POU2AF1: variants seen among roughly 807,000 people sequenced by gnomAD.
POU2AF1 encodes POU domain class 2-associating factor 1.
Under a neutral mutation model 26.3 loss-of-function variants are expected in POU2AF1, and 12 were observed. That is an observed-to-expected ratio of 0.46 (90% CI 0.29 to 0.74). The LOEUF (loss-of-function observed/expected upper bound fraction) is 0.74. Ranked by LOEUF, POU2AF1 falls within the 30% of genes least tolerant of loss-of-function variation. The pLI is 0.09. For missense variants in POU2AF1, 297 were observed against 334.5 expected (o/e 0.89, Z 0.87); for synonymous variants, 175 against 148.0 (o/e 1.18, Z -1.32).
At position 111,354,335 on chromosome 11, in the gene POU2AF1, C is replaced by T. The variant is rs747716250; in HGVS notation, c.697G>A (p.Asp233Asn). 3 of 1,614,068 alleles carry T rather than the reference C, an allele frequency of 1.9e-6. No homozygotes were observed. Among genetic ancestry groups the T allele is most frequent in the African/African-American group, 1.3e-5 (1 of 74,936 alleles). Residue 233 changes from aspartate (D) to asparagine (N), a missense_variant, in exon 5 of 5, where the codon GAC becomes AAC. Transcript: ENST00000393067. Reference protein sequence around the residue: ...PRRAASSLTIDKLLLEEEDSD... With the variant: ...PRRAASSLTINKLLLEEEDSD... ...TCCTCTTCCTCCAAAAGCAGCTTGTCGATGGTCAACGAGCTGGCGGCTCTT... is the reference window on the plus strand; with the variant it reads ...TCCTCTTCCTCCAAAAGCAGCTTGTTGATGGTCAACGAGCTGGCGGCTCTT...
At chr11:111,360,923 A>G (rs1295496646) in intron 1 of POU2AF1, among the ~76,000 whole-genome samples, 2 of 150,812 alleles carry the variant, frequency 1.3e-5, no homozygotes, top group Non-Finnish European at 2.9e-5. Context: ...CAGCCTGGCA[A>G]CAGAGAGAGA....
chr11:111,364,122 CAG>C (rs957193289), intron 1 of POU2AF1: 1 of 437,918 alleles, frequency 2.3e-6, no homozygotes, highest in African/African-American at 2.2e-5. Context: ...AAAAAGTCAG[CAG>C]AGACTATTTC....
intron 1 of POU2AF1, among the ~76,000 whole-genome samples, chr11:111,361,169 T>A (rs943480543): frequency 1.3e-5 from 2 of 150,492 alleles, no homozygotes; most frequent in Non-Finnish European, 3.0e-5. Flanking sequence ...ACAGGACCCA[T>A]GGAGCCCCCG....
intron 2 of POU2AF1, among the ~76,000 whole-genome samples, 186 bp downstream of exon 2, chr11:111,358,596 ATACACT>A (rs1290771755): frequency 1.0e-5 from 1 of 100,280 alleles, no homozygotes; most frequent in Non-Finnish European, 2.6e-5. Flanking sequence ...TCACACACAC[ATACACT>A]CTCACACACT....
intron 1 of POU2AF1, chr11:111,364,199 T>G: frequency 6.2e-6 from 1 of 160,702 alleles, no homozygotes; most frequent in Non-Finnish European, 1.3e-5. Context: ...GCAGCTGCTG[T>G]TCCACTGGAG....
Position 111,354,542 on chromosome 11 carries a change from GGGGCCCCACTGCGGGCGTGGC to G in POU2AF1, c.469_489del (p.Ala157_Pro163del). The G allele has an allele frequency of 6.5e-7, 1 of 1,549,556 alleles. No homozygotes were observed. The highest frequency in any genetic ancestry group is 1.2e-5 in the South Asian group (1 of 80,916). ...GCCTGGTGCTCTGGGCCCTCCAGCG[GGGGCCCCACTGCGGGCGTGGC>G]GGAGCTTCTTGTCTGTGACAGGAAA... On this transcript the variant is annotated inframe_deletion, in exon 5 of 5. Transcript: ENST00000393067.
intron 1 of POU2AF1, among the ~76,000 whole-genome samples, chr11:111,375,419 C>T (rs1346978956): frequency 0.04 from 351 of 8,824 alleles, no homozygotes; most frequent in Middle Eastern, 0.17. Context: ...TTTTTTGAGG[C>T]GGAGTCTCGC....
At chr11:111,374,355 C>T (rs185225533) in intron 1 of POU2AF1, among the ~76,000 whole-genome samples, 26 of 152,276 alleles carry the variant, frequency 1.7e-4, no homozygotes, top group African/African-American at 6.0e-4. Context: ...AGACAGTGCA[C>T]GTGAATTTGT....
rs1251954384 is a variant in POU2AF1, at chr11:111,373,454, G to C, written c.16+5708C>G. ...TCTTAAATCTCCTCAGAGCATTCCA[G>C]TGTGTAGCCAAGGTATAAAAACACT... On this transcript the variant is annotated intron_variant, in intron 1 of 4. Coordinates refer to ENST00000393067, the MANE Select transcript of POU2AF1 (RefSeq NM_006235.3). Among the ~76,000 whole-genome samples, 3 of 152,310 alleles carry C rather than the reference G, an allele frequency of 2.0e-5. No homozygotes were observed. The South Asian group carries it at 6.2e-4, about 32-fold the overall frequency.
intron 1 of POU2AF1, among the ~76,000 whole-genome samples, chr11:111,367,733 G>A (rs1242933238): frequency 8.5e-5 from 13 of 152,208 alleles, no homozygotes; most frequent in Non-Finnish European, 1.8e-4. Context: ...AAGAAATGGT[G>A]TTGCCCAGCC....
intron 2 of POU2AF1, 63 bp downstream of exon 2, chr11:111,358,725 C>T (rs1860940250): frequency 2.6e-6 from 4 of 1,520,672 alleles, no homozygotes; most frequent in Middle Eastern, 1.8e-4. Context: ...CTCACACTAT[C>T]CCTGACACAC....
At chr11:111,373,928 C>T (rs530358741) in intron 1 of POU2AF1, among the ~76,000 whole-genome samples, 2 of 152,188 alleles carry the variant, frequency 1.3e-5, no homozygotes, top group Non-Finnish European at 2.9e-5. Flanking sequence ...AATTAGCCAA[C>T]TTTGGTTTGG....
intron 1 of POU2AF1, among the ~76,000 whole-genome samples, chr11:111,361,210 G>A (rs1861002247): frequency 1.3e-5 from 2 of 151,976 alleles, no homozygotes; most frequent in African/African-American, 2.4e-5. Flanking sequence ...TAACGGGGAA[G>A]ACAAGCAACA....
chr11:111,358,568 TCACA>T (rs1426757194), intron 2 of POU2AF1, among the ~76,000 whole-genome samples: 107 of 144,190 alleles, frequency 7.4e-4, no homozygotes, highest in Non-Finnish European at 2.3e-4. Flanking sequence ...ATGCATACAC[TCACA>T]CACTCACACT....
chr11:111,379,015 CTCCCTGCTCCGGGGCTTGGAACCCAG>C, intron 1 of POU2AF1, 121 bp downstream of exon 1: 1 of 454,306 alleles, frequency 2.2e-6, no homozygotes, highest in African/African-American at 2.1e-5. Context: ...CACCTCCCCC[CTCCCTGCTCCGGGGCTTGGAACCCAG>C]ACCCCCTCCC....
intron 4 of POU2AF1, among the ~76,000 whole-genome samples, chr11:111,354,854 A>T (rs1302466120): frequency 6.6e-6 from 1 of 152,210 alleles, no homozygotes; most frequent in African/African-American, 2.4e-5. Flanking sequence ...AATAGAATAC[A>T]AACAGTAATG....
intron 1 of POU2AF1, among the ~76,000 whole-genome samples, chr11:111,372,680 C>T (rs1591205141): frequency 6.6e-6 from 1 of 152,344 alleles, no homozygotes; most frequent in East Asian, 1.9e-4. Context: ...ATAATGCACT[C>T]AAAGCATAGT....
chr11:111,373,224 C>T (rs1037145286), intron 1 of POU2AF1, among the ~76,000 whole-genome samples: 1 of 152,226 alleles, frequency 6.6e-6, no homozygotes, highest in Admixed American at 6.5e-5. Context: ...GTTCTCCATT[C>T]CCCAGAGATG....
At chr11:111,360,740 T>C (rs1860990772) in intron 1 of POU2AF1, among the ~76,000 whole-genome samples, 1 of 152,080 alleles carries the variant, frequency 6.6e-6, no homozygotes, top group African/African-American at 2.4e-5. Context: ...GGTCAGGAGA[T>C]TAAGACCATC....
Sources: gnomAD v4.1 joint callset for allele counts (sites outside exome capture counted in the v4.1 genomes callset) on GRCh38, gnomAD v4.1.1 for gene constraint, MANE v1.5 for transcripts, NCBI Gene and HGNC (gene_info 2026-07-23, HGNC 2026-07-21) for gene names.